Variants in PPARGC1A observed in about 807,000 individuals in gnomAD.
PPARGC1A encodes the protein peroxisome proliferator-activated receptor gamma coactivator 1-alpha.
A neutral mutation model predicts 88.7 loss-of-function variants in PPARGC1A; 25 were observed. That is an observed-to-expected ratio of 0.28 (90% CI 0.21 to 0.39). The LOEUF (loss-of-function observed/expected upper bound fraction) is 0.39, where lower values mean the gene tolerates loss of function less well. Among genes scored for constraint, PPARGC1A ranks in the 10% least tolerant of loss-of-function variants. The pLI is 1.00. For synonymous variants in PPARGC1A, 363 were observed against 355.6 expected (o/e 1.02, Z -0.24); for missense variants, 880 against 968.7 (o/e 0.91, Z 1.22).
the PPARGC1A span, among the ~76,000 whole-genome samples, chr4:24,236,991 C>T: frequency 6.6e-6 from 1 of 152,166 alleles, no homozygotes; most frequent in East Asian, 1.9e-4. Context: ...TGTGCATGTG[C>T]TTAGCAGGAA....
the PPARGC1A span, among the ~76,000 whole-genome samples, chr4:23,982,985 T>C: frequency 6.6e-6 from 1 of 152,176 alleles, no homozygotes; most frequent in Admixed American, 6.6e-5. Flanking sequence ...TTACACACTG[T>C]CTATGGCTCC....
At chr4:24,107,613 G>A in the PPARGC1A span, among the ~76,000 whole-genome samples, 2 of 152,066 alleles carry the variant, frequency 1.3e-5, no homozygotes, top group African/African-American at 4.8e-5. Context: ...GAAGTGTAGA[G>A]CATGTTCAGA....
chr4:24,224,990 A>G, the PPARGC1A span, among the ~76,000 whole-genome samples: 4 of 152,084 alleles, frequency 2.6e-5, no homozygotes, highest in Admixed American at 2.0e-4. Flanking sequence ...ATGTTCAAAG[A>G]TCAGCAAGGA....
chr4:24,217,886 C>A, the PPARGC1A span, among the ~76,000 whole-genome samples: 1 of 152,026 alleles, frequency 6.6e-6, no homozygotes, highest in Admixed American at 6.5e-5. Flanking sequence ...TTTGAAATAG[C>A]CAGTGATTCC....
intron 7 of PPARGC1A, among the ~76,000 whole-genome samples, chr4:23,816,616 C>A (rs1722042240): frequency 2.0e-5 from 3 of 152,238 alleles, no homozygotes; most frequent in South Asian, 2.1e-4. Flanking sequence ...GGAATAATCT[C>A]TCTTTGCTGA....
chr4:24,108,019 T>C, the PPARGC1A span, among the ~76,000 whole-genome samples: 9 of 152,308 alleles, frequency 5.9e-5, 1 homozygote, highest in East Asian at 1.7e-3. Context: ...GACTGTCCTC[T>C]ACTTCAAATT....
upstream of PPARGC1A, among the ~76,000 whole-genome samples, chr4:23,893,718 G>A (rs72491296): frequency 2.3e-3 from 343 of 152,170 alleles, 15 homozygotes; most frequent in East Asian, 0.059. Flanking sequence ...CTTACACACA[G>A]CAGAAAATTA....
At chr4:23,871,616 T>C in intron 2 of PPARGC1A, among the ~76,000 whole-genome samples, 1 of 152,060 alleles carries the variant, frequency 6.6e-6, no homozygotes, top group South Asian at 2.1e-4. Context: ...GATTCTGACA[T>C]GGGAACATAT....
the PPARGC1A span, among the ~76,000 whole-genome samples, chr4:23,912,681 C>T: frequency 2.0e-5 from 3 of 152,110 alleles, no homozygotes; most frequent in Admixed American, 6.5e-5. Flanking sequence ...TGTTTGCTGG[C>T]CCACACTGTG....
chr4:23,814,624 A>C lies in PPARGC1A; in HGVS notation c.878-19T>G, dbSNP rs773873802. 1.5e-3 allele frequency: 2,206 copies of C among 1,468,128 alleles called. 2 individuals are homozygous for C. Among genetic ancestry groups the C allele is most frequent in the Non-Finnish European group, 1.8e-3 (1,968 of 1,099,334 alleles). The allele number at this position is 1,468,128 out of a possible 1,614,324, so 90.9% of individuals were successfully genotyped here. ...GTTAGGCCTAAGGCAAAAATTAAAA[A>C]AAAAAAAAAAAAGAGAGAGAAAGAA... On this transcript the variant is annotated intron_variant, in intron 7 of 12. Coordinates refer to ENST00000264867, the MANE Select transcript of PPARGC1A (RefSeq NM_013261.5).
At chr4:24,312,109 T>G in the PPARGC1A span, among the ~76,000 whole-genome samples, 1 of 152,208 alleles carries the variant, frequency 6.6e-6, no homozygotes. Flanking sequence ...TCACTAGACA[T>G]TCTTTAAGCC....
chr4:24,247,939 G>T, the PPARGC1A span, among the ~76,000 whole-genome samples: 1 of 152,130 alleles, frequency 6.6e-6, no homozygotes, highest in Non-Finnish European at 1.5e-5. Context: ...ACCTAATATC[G>T]ATCTGGCTGG....
At chr4:24,430,397 G>A in the PPARGC1A span, among the ~76,000 whole-genome samples, 14 of 151,100 alleles carry the variant, frequency 9.3e-5, no homozygotes, top group South Asian at 6.3e-4. Context: ...AGCTGGGACT[G>A]CAGGCGCCCG....
chr4:24,457,873 T>G, the PPARGC1A span, among the ~76,000 whole-genome samples: 3 of 152,294 alleles, frequency 2.0e-5, no homozygotes, highest in Admixed American at 2.0e-4. Flanking sequence ...GAGATACTGT[T>G]TAGAGTCCAG....
the PPARGC1A span, among the ~76,000 whole-genome samples, chr4:24,236,789 T>C: frequency 6.6e-6 from 1 of 152,192 alleles, no homozygotes; most frequent in African/African-American, 2.4e-5. Context: ...TCACCATTTT[T>C]CTGGTCTTGT....
intron 7 of PPARGC1A, among the ~76,000 whole-genome samples, chr4:23,815,050 G>T (rs191252933): frequency 6.6e-6 from 1 of 151,734 alleles, no homozygotes; most frequent in African/African-American, 2.4e-5. Context: ...CATTGCAGAG[G>T]ATGCAAGCAG....
intron 2 of PPARGC1A, among the ~76,000 whole-genome samples, chr4:23,847,400 C>T (rs1191867419): frequency 6.6e-6 from 1 of 152,172 alleles, no homozygotes; most frequent in African/African-American, 2.4e-5. Context: ...CCTCCATTAC[C>T]ACTCATACCC....
the PPARGC1A span, among the ~76,000 whole-genome samples, chr4:24,126,923 C>T: frequency 6.6e-6 from 1 of 152,176 alleles, no homozygotes; most frequent in African/African-American, 2.4e-5. Flanking sequence ...CAGACCCACA[C>T]ATCACACTCA....
At chr4:23,825,768 T>A (rs1198707649) in intron 5 of PPARGC1A, among the ~76,000 whole-genome samples, 1 of 152,172 alleles carries the variant, frequency 6.6e-6, no homozygotes, top group Non-Finnish European at 1.5e-5. Context: ...ATATCATACA[T>A]CCAGAAATAT....
Sources: allele counts gnomAD v4.1 joint callset (sites outside exome capture counted in the v4.1 genomes callset), GRCh38; gene constraint gnomAD v4.1.1; transcripts MANE v1.5; gene names NCBI Gene and HGNC (gene_info 2026-07-23, HGNC 2026-07-21).